VPS8: variants seen among roughly 807,000 people sequenced by gnomAD.
The protein encoded by VPS8 is vacuolar protein sorting-associated protein 8 homolog.
Under a neutral mutation model 216.4 loss-of-function variants are expected in VPS8, and 129 were observed. The observed-to-expected ratio is 0.60, with a 90% confidence interval of 0.52 to 0.69. The LOEUF is 0.69. VPS8 is among the 30% of genes least tolerant of loss of function. The probability of loss-of-function intolerance (pLI) is 0.00; values close to 1 mark genes in which losing one functional copy is unlikely to be tolerated. For synonymous variants in VPS8, 571 were observed against 565.4 expected, an observed-to-expected ratio of 1.01 and a Z score of -0.14; for missense variants, 1,531 against 1,683.5, an observed-to-expected ratio of 0.91 and a Z score of 1.59.
rs373086136 is a variant in VPS8 at position 184,894,718 on chromosome 3, T to G, written c.1797T>G (p.Ser599Arg). The G allele has an allele frequency of 1.9e-6, 3 of 1,600,726 alleles. No homozygotes were observed. The highest frequency in any genetic ancestry group is 2.6e-6 in the Non-Finnish European group (3 of 1,172,916). Residue 599 changes from serine (S) to arginine (R), a missense_variant, in exon 23 of 48, where the codon AGT becomes AGG. Physicochemically the swap from Ser to Arg is moderately radical, Grantham distance 110. Transcript: ENST00000625842. ...TCTGTTACAGGGATCTTTTATTTAGTCAGATGTATGATAAATTAAGTGAGA... is the reference window on the plus strand; with the variant it reads ...TCTGTTACAGGGATCTTTTATTTAGGCAGATGTATGATAAATTAAGTGAGA... ...LLLQRKDLLF[S>R]QMYDKLSENS...
intron 42 of VPS8, among the ~76,000 whole-genome samples, chr3:184,993,010 A>AGT (rs1387352247): frequency 2.0e-5 from 3 of 152,166 alleles, no homozygotes; most frequent in Non-Finnish European, 4.4e-5. Context: ...GGAAAAGTGA[A>AGT]GTGTTCAAAG....
At position 184,817,669 on chromosome 3, in the gene VPS8, C is replaced by A. The variant is rs1286432055; in HGVS notation, c.-89+5444C>A. Among the ~76,000 whole-genome samples, 3 of 152,210 alleles carry A rather than the reference C, an allele frequency of 2.0e-5. No individual in the cohort carries two copies. In the East Asian group the frequency reaches 5.8e-4, roughly 29 times the overall value. ...CTATATGCTGTGAGTCAAATAATATCCTCTGGAGCTTAACAATTACAAGTA... is the reference window on the plus strand; with the variant it reads ...CTATATGCTGTGAGTCAAATAATATACTCTGGAGCTTAACAATTACAAGTA... On this transcript the variant is annotated intron_variant, in intron 1 of 47. Transcript: ENST00000625842.
intron 24 of VPS8, among the ~76,000 whole-genome samples, chr3:184,899,236 G>A (rs1734055364): frequency 6.6e-6 from 1 of 152,096 alleles, no homozygotes; most frequent in African/African-American, 2.4e-5. Flanking sequence ...TTTCTTATTT[G>A]TTTTCAGTTT....
intron 16 of VPS8, among the ~76,000 whole-genome samples, 177 bp downstream of exon 16, chr3:184,863,244 C>T (rs973780031): frequency 6.6e-6 from 1 of 152,162 alleles, no homozygotes; most frequent in African/African-American, 2.4e-5. Flanking sequence ...TTTGGGAATA[C>T]AAGCTAAAAC....
chr3:185,041,476 C>A (rs1711606556), intron 46 of VPS8, among the ~76,000 whole-genome samples: 1 of 152,110 alleles, frequency 6.6e-6, no homozygotes, highest in Non-Finnish European at 1.5e-5. Context: ...ACTCCCTCAG[C>A]AAAACAGGAG....
intron 42 of VPS8, among the ~76,000 whole-genome samples, chr3:184,987,186 T>C (rs771636514): frequency 5.3e-5 from 8 of 152,202 alleles, no homozygotes; most frequent in Admixed American, 2.0e-4. Flanking sequence ...TGATCTCTGC[T>C]CACTGCAACG....
intron 36 of VPS8, among the ~76,000 whole-genome samples, chr3:184,955,747 C>G (rs1248129189): frequency 6.6e-6 from 1 of 151,528 alleles, no homozygotes; most frequent in Admixed American, 6.6e-5. Context: ...CATTTCAGTT[C>G]AGTTCAATAT....
In VPS8 at chr3:184,940,238, C is replaced by G; in HGVS notation, c.3030C>G (p.Asp1010Glu). 1 of 1,456,182 alleles carries G rather than the reference C, an allele frequency of 6.9e-7. No homozygotes were observed. Among genetic ancestry groups the G allele is most frequent in the Non-Finnish European group, 9.2e-7 (1 of 1,091,954 alleles). 90.2% of individuals were successfully genotyped at this position (1,456,182 alleles called of 1,614,324 possible). Residue 1010 changes from aspartate (D) to glutamate (E), a missense_variant, in exon 36 of 48, where the codon GAC becomes GAG. Asp to Glu is a conservative substitution (Grantham distance 45). This residue lies in a region of VPS8 where 1,318 missense variants were observed against 1,468.4 expected (regional missense o/e 0.90). Transcript: ENST00000625842. ...LLFKFLRSLL[D>E]PREGIHVNQE... ...TCAAATTTTTGAGGAGTCTTCTTGACCCAAGGTATGTTGACAAACTTTAGT... is the reference window on the plus strand; with the variant it reads ...TCAAATTTTTGAGGAGTCTTCTTGAGCCAAGGTATGTTGACAAACTTTAGT...
chr3:184,866,033 A>C (rs1727290103), intron 16 of VPS8, among the ~76,000 whole-genome samples: 1 of 152,100 alleles, frequency 6.6e-6, no homozygotes, highest in Non-Finnish European at 1.5e-5. Context: ...TCTGACTCAG[A>C]AGTTCTACTC....
intron 23 of VPS8, among the ~76,000 whole-genome samples, chr3:184,897,215 T>C (rs879264387): frequency 2.6e-5 from 4 of 152,166 alleles, no homozygotes; most frequent in Non-Finnish European, 5.9e-5. Flanking sequence ...GTTAGGAAGC[T>C]GGCCCAGGAG....
chr3:184,892,364 G>A (rs1468117752), intron 22 of VPS8, among the ~76,000 whole-genome samples: 4 of 151,986 alleles, frequency 2.6e-5, no homozygotes, highest in South Asian at 2.1e-4. Flanking sequence ...TTACAGGCGC[G>A]TGCCACCATA....
chr3:184,813,779 C>T (rs1268268230), intron 1 of VPS8: 2 of 152,218 alleles, frequency 1.3e-5, no homozygotes, highest in African/African-American at 4.8e-5. Flanking sequence ...TTAGCTGTAT[C>T]TCACTATTCC....
intron 1 of VPS8, among the ~76,000 whole-genome samples, chr3:184,813,008 C>G (rs1034180389): frequency 6.6e-6 from 1 of 152,176 alleles, no homozygotes; most frequent in African/African-American, 2.4e-5. Flanking sequence ...TTCGAGGCTA[C>G]TCCTGTGCCT....
chr3:184,903,488 G>A (rs771361566), intron 25 of VPS8, among the ~76,000 whole-genome samples: 2 of 152,132 alleles, frequency 1.3e-5, no homozygotes, highest in Admixed American at 1.3e-4. Flanking sequence ...GTCTCACTCT[G>A]TCAGTCAGGC....
At chr3:184,853,752 G>A (rs1397253446) in intron 11 of VPS8, 105 bp from the exon 12 acceptor site, 3 of 1,165,480 alleles carry the variant, frequency 2.6e-6, no homozygotes, top group South Asian at 1.5e-5. Flanking sequence ...ATTGTTGGGG[G>A]TTAAGGAGGT....
chr3:184,936,320 C>A lies in VPS8; in HGVS notation c.2973C>A (p.Val991=). Residue 991 remains valine, a synonymous_variant, in exon 35 of 48, where the codon GTC becomes GTA. Coordinates refer to ENST00000625842, the MANE Select transcript of VPS8 (RefSeq NM_001009921.3). ...ACTTTTCTGGACATATTGAAACGGTCATTAAAAAACTTCAGGTACATATTG... is the reference window on the plus strand; with the variant it reads ...ACTTTTCTGGACATATTGAAACGGTAATTAAAAAACTTCAGGTACATATTG... ...ATHFSGHIET[V]IKKLQNQVLL... 2.5e-6 allele frequency: 4 copies of A among 1,609,912 alleles called. No individual in the cohort carries two copies. In the South Asian group the frequency reaches 4.4e-5, roughly 18 times the overall value.
At chr3:185,039,475 A>G (rs1577252655) in intron 46 of VPS8, among the ~76,000 whole-genome samples, 2 of 151,964 alleles carry the variant, frequency 1.3e-5, no homozygotes, top group African/African-American at 2.4e-5. Flanking sequence ...TTACCAAGAA[A>G]AAGGGGCATT....
chr3:184,927,502 G>C (rs1425300651), intron 31 of VPS8, among the ~76,000 whole-genome samples: 1 of 152,012 alleles, frequency 6.6e-6, no homozygotes, highest in Non-Finnish European at 1.5e-5. Flanking sequence ...TAGTATATGG[G>C]CCCCCTCATT....
At chr3:184,869,339 G>A in intron 19 of VPS8, 143 bp from the exon 20 acceptor site, 1 of 819,904 alleles carries the variant, frequency 1.2e-6, no homozygotes, top group Non-Finnish European at 1.9e-6. Context: ...CTATTATGGT[G>A]TATTATCCAA....
Sources: allele counts gnomAD v4.1 joint callset (sites outside exome capture counted in the v4.1 genomes callset), GRCh38; gene constraint gnomAD v4.1.1; regional missense constraint gnomAD v4.1.1; transcripts MANE v1.5; gene names NCBI Gene and HGNC (gene_info 2026-07-23, HGNC 2026-07-21).